The following LRP1B variants were observed in gnomAD, a reference collection of about 807,000 sequenced individuals.
The protein encoded by LRP1B is LDL receptor related protein 1B, also known as low-density lipoprotein receptor-related protein 1B.
A neutral mutation model predicts 556.6 loss-of-function variants in LRP1B; 217 were observed. The observed-to-expected ratio is 0.39, with a 90% CI of 0.35 to 0.44. The LOEUF (loss-of-function observed/expected upper bound fraction) is 0.44. Among genes scored for constraint, LRP1B ranks in the 20% least tolerant of loss-of-function variants. The pLI, the probability that LRP1B is intolerant of heterozygous loss-of-function variation, is 1.00. For missense variants in LRP1B, 5,053 were observed against 5,620.8 expected (o/e 0.90, Z 3.23); for synonymous variants, 2,047 against 1,865.8 (o/e 1.10, Z -2.50).
chr2:141,205,508 CTG>C (rs1682237336), intron 6 of LRP1B, among the ~76,000 whole-genome samples: 1 of 152,188 alleles, frequency 6.6e-6, no homozygotes, highest in African/African-American at 2.4e-5. Flanking sequence ...CCTCTATTAT[CTG>C]TATTTTATCA....
chr2:140,678,782 T>TTG (rs1553512462), intron 41 of LRP1B, among the ~76,000 whole-genome samples: 3 of 151,524 alleles, frequency 2.0e-5, no homozygotes, highest in Non-Finnish European at 4.4e-5. Context: ...TTTTTTTTTT[T>TTG]TTTTGGTTGG....
chr2:141,791,145 A>T (rs1271597790), intron 2 of LRP1B, among the ~76,000 whole-genome samples: 1 of 152,010 alleles, frequency 6.6e-6, no homozygotes, highest in Non-Finnish European at 1.5e-5. Flanking sequence ...TGGCTAAAAA[A>T]TTCCTGACAC....
intron 20 of LRP1B, among the ~76,000 whole-genome samples, chr2:140,948,774 C>A (rs1416094101): frequency 6.6e-6 from 1 of 152,260 alleles, no homozygotes; most frequent in South Asian, 2.1e-4. Context: ...CATTGTTTAG[C>A]CATATTTGGA....
intron 62 of LRP1B, among the ~76,000 whole-genome samples, chr2:140,451,233 C>A (rs757181016): frequency 6.6e-6 from 1 of 152,140 alleles, no homozygotes; most frequent in Non-Finnish European, 1.5e-5. Flanking sequence ...AAATAAATCA[C>A]GGCCCCAGCC....
intron 21 of LRP1B, among the ~76,000 whole-genome samples, chr2:140,910,283 C>G (rs1298168520): frequency 6.6e-6 from 1 of 151,696 alleles, no homozygotes; most frequent in Admixed American, 6.6e-5. Context: ...ATATATGAAA[C>G]AGTTGGCAAT....
chr2:142,056,026 C>T (rs977180973), intron 1 of LRP1B, among the ~76,000 whole-genome samples: 4 of 152,090 alleles, frequency 2.6e-5, no homozygotes, highest in Non-Finnish European at 5.9e-5. Flanking sequence ...TATCGCATGC[C>T]TGTAATCCCA....
At chr2:140,599,122 T>C (rs1342032009) in intron 42 of LRP1B, among the ~76,000 whole-genome samples, 1 of 152,122 alleles carries the variant, frequency 6.6e-6, no homozygotes, top group Non-Finnish European at 1.5e-5. Flanking sequence ...AATGAGGATT[T>C]ATTTTAATCA....
intron 3 of LRP1B, among the ~76,000 whole-genome samples, chr2:141,296,996 T>C (rs1686206768): frequency 6.6e-6 from 1 of 152,202 alleles, no homozygotes; most frequent in African/African-American, 2.4e-5. Context: ...CTTAGAATAA[T>C]GGACTCCAGC....
At chr2:140,624,076 A>G (rs1001539418) in intron 41 of LRP1B, among the ~76,000 whole-genome samples, 1 of 151,522 alleles carries the variant, frequency 6.6e-6, no homozygotes. Context: ...AATAAATACA[A>G]TGTAATTCTC....
chr2:140,420,991 C>T (rs1038622346), intron 66 of LRP1B, among the ~76,000 whole-genome samples: 7 of 152,122 alleles, frequency 4.6e-5, no homozygotes, highest in Non-Finnish European at 8.8e-5. Flanking sequence ...CACAGTGTCT[C>T]ACACCTGTAA....
chr2:141,549,468 G>A (rs956799944), intron 2 of LRP1B, among the ~76,000 whole-genome samples: 2 of 152,074 alleles, frequency 1.3e-5, no homozygotes, highest in Non-Finnish European at 2.9e-5. Flanking sequence ...AGAAAATAAT[G>A]TTTGTTCAGC....
intron 1 of LRP1B, among the ~76,000 whole-genome samples, chr2:142,078,873 T>C (rs1490906022): frequency 8.8e-6 from 1 of 113,694 alleles, no homozygotes; most frequent in Non-Finnish European, 2.0e-5. Context: ...TATGTAGTTG[T>C]AATCTAGATG....
intron 2 of LRP1B, among the ~76,000 whole-genome samples, chr2:141,585,445 G>A (rs1389565538): frequency 6.6e-6 from 1 of 150,448 alleles, no homozygotes; most frequent in African/African-American, 2.4e-5. Context: ...GTGTGTGTGT[G>A]TGTGTGTGTG....
chr2:142,001,539 A>C (rs1413723395), intron 1 of LRP1B, among the ~76,000 whole-genome samples: 1 of 152,182 alleles, frequency 6.6e-6, no homozygotes, highest in African/African-American at 2.4e-5. Flanking sequence ...GAAAACGCAA[A>C]GAAAGGTAAG....
intron 47 of LRP1B, among the ~76,000 whole-genome samples, chr2:140,532,582 A>C (rs2104989097): frequency 6.6e-6 from 1 of 151,836 alleles, no homozygotes; most frequent in East Asian, 1.9e-4. Flanking sequence ...TTTTTAGTCG[A>C]GATGGGGTTT....
Position 140,936,454 on chromosome 2 carries a change from G to A in LRP1B, c.3137-13307C>T, listed in dbSNP as rs566262100. Among the ~76,000 whole-genome samples, 6 of 151,914 alleles carry A rather than the reference G, an allele frequency of 3.9e-5. No individual in the cohort carries two copies. In the South Asian group the frequency reaches 1.2e-3, roughly 32 times the overall value. On this transcript the variant is annotated intron_variant, in intron 20 of 90. Transcript: ENST00000389484. Reference sequence around the variant, plus strand: ...GGCAAAACTGCCCTTCAAAATTGAAGGTGAAATTAAGACCTTCCCAGATGA... The same window carrying A: ...GGCAAAACTGCCCTTCAAAATTGAAAGTGAAATTAAGACCTTCCCAGATGA...
intron 2 of LRP1B, among the ~76,000 whole-genome samples, chr2:141,525,380 GGCTACT>G (rs1684663469): frequency 6.6e-6 from 1 of 152,002 alleles, no homozygotes; most frequent in Non-Finnish European, 1.5e-5. Flanking sequence ...AACTGGAATA[GGCTACT>G]GCTTGGGGTT....
At chr2:141,919,913 T>A (rs555825593) in intron 1 of LRP1B, among the ~76,000 whole-genome samples, 4 of 151,942 alleles carry the variant, frequency 2.6e-5, no homozygotes, top group Non-Finnish European at 5.9e-5. Flanking sequence ...AATAGAGAAA[T>A]GTCAAAGAAA....
At chr2:141,723,162 C>T (rs1054795516) in intron 2 of LRP1B, among the ~76,000 whole-genome samples, 1 of 151,742 alleles carries the variant, frequency 6.6e-6, no homozygotes, top group Non-Finnish European at 1.5e-5. Context: ...CTCTCCCAGT[C>T]TGATTTTGAG....
Sources: allele counts gnomAD v4.1 joint callset (sites outside exome capture counted in the v4.1 genomes callset), GRCh38; gene constraint gnomAD v4.1.1; transcripts MANE v1.5; gene names NCBI Gene and HGNC (gene_info 2026-07-23, HGNC 2026-07-21).